GRIK2: variants seen among roughly 807,000 people sequenced by gnomAD.
The protein encoded by GRIK2 is glutamate ionotropic receptor kainate type subunit 2.
Under a neutral mutation model 100.3 loss-of-function variants are expected in GRIK2, and 32 were observed. That is an observed-to-expected ratio of 0.32 (90% confidence interval 0.24 to 0.43). The LOEUF (loss-of-function observed/expected upper bound fraction) is 0.43. GRIK2 is among the 20% of genes least tolerant of loss of function. GRIK2 has a pLI of 1.00. For synonymous variants in GRIK2, 417 were observed against 389.4 expected (o/e 1.07, Z -0.83); for missense variants, 843 against 1,114.9 (o/e 0.76, Z 3.47).
intron 2 of GRIK2, among the ~76,000 whole-genome samples, chr6:101,453,689 C>T (rs1012531611): frequency 2.6e-5 from 4 of 151,908 alleles, no homozygotes; most frequent in African/African-American, 7.3e-5. Flanking sequence ...ATGAATGTAA[C>T]CTTTTCTTGA....
At chr6:101,926,256 T>C (rs1373783513) in intron 13 of GRIK2, among the ~76,000 whole-genome samples, 1 of 150,678 alleles carries the variant, frequency 6.6e-6, no homozygotes, top group African/African-American at 2.4e-5. Flanking sequence ...GACATTATTG[T>C]AGTTCTTTCA....
At chr6:102,009,432 G>A (rs775282538) in intron 14 of GRIK2, among the ~76,000 whole-genome samples, 4 of 152,008 alleles carry the variant, frequency 2.6e-5, no homozygotes, top group Non-Finnish European at 5.9e-5. Context: ...TTATTAAAAT[G>A]CAGGTTCATA....
At chr6:102,055,661 T>C (rs967820064) in intron 16 of GRIK2, 81 bp downstream of exon 16, 3 of 924,218 alleles carry the variant, frequency 3.2e-6, no homozygotes, top group Non-Finnish European at 3.4e-6. Flanking sequence ...GTTTTTATGT[T>C]ACCAACTAAT....
chr6:101,975,823 C>T (rs543993320), intron 14 of GRIK2, among the ~76,000 whole-genome samples: 1 of 151,718 alleles, frequency 6.6e-6, no homozygotes, highest in South Asian at 2.1e-4. Context: ...ATCTATCTAT[C>T]TATCTATCTA....
intron 2 of GRIK2, among the ~76,000 whole-genome samples, chr6:101,587,778 G>A (rs1562244759): frequency 6.6e-6 from 1 of 152,016 alleles, no homozygotes; most frequent in Non-Finnish European, 1.5e-5. Flanking sequence ...TTGCTAAATT[G>A]GTGATGAAAA....
At chr6:101,562,667 G>C (rs561384400) in intron 2 of GRIK2, among the ~76,000 whole-genome samples, 7 of 152,000 alleles carry the variant, frequency 4.6e-5, no homozygotes, top group Admixed American at 4.6e-4. Flanking sequence ...GCAGCTGTTT[G>C]GGTGCAAGTT....
At chr6:101,751,554 T>A (rs972126483) in intron 7 of GRIK2, among the ~76,000 whole-genome samples, 1 of 152,186 alleles carries the variant, frequency 6.6e-6, no homozygotes, top group Non-Finnish European at 1.5e-5. Flanking sequence ...CTTTTTAACA[T>A]CATCAAATAT....
At chr6:101,811,743 A>G (rs1781340754) in intron 9 of GRIK2, among the ~76,000 whole-genome samples, 2 of 151,936 alleles carry the variant, frequency 1.3e-5, no homozygotes, top group African/African-American at 4.8e-5. Context: ...ACAATTATAT[A>G]GCCCAATAGA....
intron 8 of GRIK2, among the ~76,000 whole-genome samples, 195 bp from the exon 9 acceptor site, chr6:101,802,136 G>A (rs113483766): frequency 0.034 from 5,102 of 151,838 alleles, 203 homozygotes; most frequent in African/African-American, 0.095. Context: ...AAAATTTATA[G>A]TAAATTTTCT....
At chr6:101,731,124 TG>T (rs1359582279) in intron 7 of GRIK2, among the ~76,000 whole-genome samples, 2 of 152,006 alleles carry the variant, frequency 1.3e-5, no homozygotes, top group African/African-American at 4.8e-5. Context: ...ATCTGAGCAG[TG>T]AAGAAAGTAT....
intron 5 of GRIK2, among the ~76,000 whole-genome samples, chr6:101,677,708 C>G (rs922377440): frequency 6.6e-6 from 1 of 152,058 alleles, no homozygotes; most frequent in African/African-American, 2.4e-5. Flanking sequence ...TAGCTTGGAA[C>G]TAGTCAGTCA....
chr6:101,886,482 A>C (rs1294051031), intron 11 of GRIK2, among the ~76,000 whole-genome samples: 1 of 151,932 alleles, frequency 6.6e-6, no homozygotes, highest in Non-Finnish European at 1.5e-5. Context: ...TATTTTAAGC[A>C]ATGCTAAATA....
chr6:101,929,591 T>C (rs1312125172), intron 14 of GRIK2, among the ~76,000 whole-genome samples: 1 of 152,224 alleles, frequency 6.6e-6, no homozygotes, highest in African/African-American at 2.4e-5. Flanking sequence ...TAATTCTCAC[T>C]ATCGAGGAGA....
chr6:101,582,439 G>C (rs145643924), intron 2 of GRIK2, among the ~76,000 whole-genome samples: 1 of 152,004 alleles, frequency 6.6e-6, no homozygotes, highest in Non-Finnish European at 1.5e-5. Context: ...TTCCCCCTTC[G>C]CTTGGCTCTC....
intron 7 of GRIK2, among the ~76,000 whole-genome samples, chr6:101,729,103 G>A (rs1345227211): frequency 6.6e-6 from 1 of 151,970 alleles, no homozygotes; most frequent in Non-Finnish European, 1.5e-5. Context: ...GTCCTGCTGA[G>A]GAATGCACTG....
chr6:101,639,763 G>A (rs756518649), intron 4 of GRIK2, among the ~76,000 whole-genome samples: 22 of 152,104 alleles, frequency 1.4e-4, no homozygotes, highest in Non-Finnish European at 2.9e-4. Context: ...CAGAATGCAA[G>A]AAAATAATTA....
intron 15 of GRIK2, among the ~76,000 whole-genome samples, chr6:102,045,181 G>A (rs1449652125): frequency 2.0e-5 from 3 of 151,968 alleles, no homozygotes; most frequent in Non-Finnish European, 4.4e-5. Context: ...AGAGTTCTCA[G>A]TGTAACAAAG....
chr6:102,062,285 G>C (rs187513009), intron 16 of GRIK2, among the ~76,000 whole-genome samples: 1 of 150,256 alleles, frequency 6.7e-6, no homozygotes, highest in African/African-American at 2.4e-5. Flanking sequence ...ATTTTTTTCT[G>C]TCTGCTGTAT....
chr6:101,679,796 A>T (rs759709190), intron 5 of GRIK2, among the ~76,000 whole-genome samples: 21 of 152,096 alleles, frequency 1.4e-4, no homozygotes, highest in Non-Finnish European at 2.6e-4. Flanking sequence ...CTAAAGTGCA[A>T]TGGTGCGATC....
Sources: allele counts gnomAD v4.1 joint callset (sites outside exome capture counted in the v4.1 genomes callset), GRCh38; gene constraint gnomAD v4.1.1; transcripts MANE v1.5; gene names NCBI Gene and HGNC (gene_info 2026-07-23, HGNC 2026-07-21).